Variants in IKZF3 observed in about 807,000 individuals in gnomAD.
IKZF3 encodes the protein IKAROS family zinc finger 3.
IKZF3 carries 10 observed loss-of-function variants against 49.0 expected under a neutral mutation model. The observed-to-expected ratio is 0.20, with a 90% CI of 0.13 to 0.35. IKZF3 has a LOEUF of 0.35. IKZF3 is among the 10% of genes least tolerant of loss of function. The pLI, the probability that IKZF3 is intolerant of heterozygous loss-of-function variation, is 1.00. For synonymous variants in IKZF3, 209 were observed against 228.2 expected (o/e 0.92, Z 0.76); for missense variants, 498 against 664.8 (o/e 0.75, Z 2.76).
chr17:39,815,269 T>C lies in IKZF3; in HGVS notation c.163+14118A>G, dbSNP rs1457462260. On this transcript the variant is annotated intron_variant, in intron 3 of 7. Coordinates refer to ENST00000346872, the MANE Select transcript of IKZF3 (RefSeq NM_012481.5). Reference sequence around the variant, plus strand: ...GAAACAAAAAGTCGCAAGAGTTCTATTTCAGTCGTTCAGGCCTTAAGGCCA... The same window carrying C: ...GAAACAAAAAGTCGCAAGAGTTCTACTTCAGTCGTTCAGGCCTTAAGGCCA... 8.5e-5 allele frequency among the ~76,000 whole-genome samples: 13 copies of C among 152,356 alleles called. 1 individual carries two copies.
At chr17:39,812,060 G>A (rs997900953) in intron 3 of IKZF3, among the ~76,000 whole-genome samples, 1 of 152,176 alleles carries the variant, frequency 6.6e-6, no homozygotes, top group Non-Finnish European at 1.5e-5. Context: ...ATTGTGTCCA[G>A]TTTAAACTTC....
intron 1 of IKZF3, among the ~76,000 whole-genome samples, chr17:39,851,980 T>C (rs2144528104): frequency 6.6e-6 from 1 of 152,274 alleles, no homozygotes; most frequent in Admixed American, 6.5e-5. Context: ...ACTCACTGAA[T>C]GGGCTCCATA....
At chr17:39,850,971 GTATATAT>G in intron 1 of IKZF3, among the ~76,000 whole-genome samples, 1 of 137,728 alleles carries the variant, frequency 7.3e-6, no homozygotes, top group South Asian at 2.2e-4. Context: ...TTATATACGT[GTATATAT>G]TATATATGTG....
chr17:39,852,737 C>T (rs1358993282), intron 1 of IKZF3, among the ~76,000 whole-genome samples: 8 of 152,046 alleles, frequency 5.3e-5, no homozygotes, highest in African/African-American at 1.2e-4. Flanking sequence ...TTTGGGAGGC[C>T]GGGGCGGACA....
chr17:39,828,053 CT>C (rs1236951971), intron 3 of IKZF3, among the ~76,000 whole-genome samples: 4 of 152,102 alleles, frequency 2.6e-5, no homozygotes, highest in Non-Finnish European at 5.9e-5. Context: ...TTTTCCTTCC[CT>C]ACATTGTCAC....
At chr17:39,818,399 T>C (rs181171089) in intron 3 of IKZF3, among the ~76,000 whole-genome samples, 7 of 152,316 alleles carry the variant, frequency 4.6e-5, no homozygotes, top group Admixed American at 2.0e-4. Context: ...AGGTACATAA[T>C]TGTTGACTCT....
At chr17:39,827,239 T>C (rs12944882) in intron 3 of IKZF3, among the ~76,000 whole-genome samples, 81,473 of 151,796 alleles carry the variant, frequency 0.54, 22,265 homozygotes, top group African/African-American at 0.62. Flanking sequence ...TCAAATGATC[T>C]ACCTGCCTCA....
intron 7 of IKZF3, among the ~76,000 whole-genome samples, chr17:39,767,079 C>A (rs991708180): frequency 6.6e-6 from 1 of 152,098 alleles, no homozygotes; most frequent in African/African-American, 2.4e-5. Flanking sequence ...CCAAACTCAC[C>A]CGTCCTGGCT....
chr17:39,804,910 T>C (rs76800280), intron 3 of IKZF3, among the ~76,000 whole-genome samples: 3,041 of 152,310 alleles, frequency 0.02, 115 homozygotes, highest in African/African-American at 0.07. Context: ...ATACTCTGTC[T>C]CCTGATCCAA....
chr17:39,771,620 G>A (rs1356031951), intron 7 of IKZF3, among the ~76,000 whole-genome samples: 1 of 146,370 alleles, frequency 6.8e-6, no homozygotes, highest in East Asian at 1.9e-4. Flanking sequence ...TGGTAGTGAC[G>A]GTGGTGGAGA....
chr17:39,768,691 A>T (rs2060359292), intron 7 of IKZF3, among the ~76,000 whole-genome samples: 1 of 152,182 alleles, frequency 6.6e-6, no homozygotes, highest in Non-Finnish European at 1.5e-5. Context: ...GGCCTGCCAC[A>T]TGGAAAACAC....
At position 39,777,678 on chromosome 17, in the gene IKZF3, T is replaced by C; in HGVS notation, c.799A>G (p.Lys267Glu). The C allele has an allele frequency of 6.2e-7, 1 of 1,613,762 alleles. No homozygotes were observed. The highest frequency in any genetic ancestry group is 8.5e-7 in the Non-Finnish European group (1 of 1,179,822). ...DRLASNVAKR[K>E]SSMPQKFIGE... is the part of the protein sequence containing the mutation. Reference sequence around the variant, plus strand: ...ATGAATTTCTGAGGCATTGAGCTTTTTCGTTTTGCCACATTGCTTGCTAAT... The same window carrying C: ...ATGAATTTCTGAGGCATTGAGCTTTCTCGTTTTGCCACATTGCTTGCTAAT... Residue 267 changes from lysine to glutamate, a missense_variant, in exon 7 of 8, where the codon AAA becomes GAA. By Grantham distance (56) the Lys-to-Glu change is moderately conservative. Transcript: ENST00000346872.
Position 39,849,588 on chromosome 17 carries a change from G to A in IKZF3, c.7+14532C>T, listed in dbSNP as rs145526337. On this transcript the variant is annotated intron_variant, in intron 1 of 7. Coordinates refer to ENST00000346872, the MANE Select transcript of IKZF3 (RefSeq NM_012481.5). ...GCAGGAGAATCGCTGGGAGGTGGAG[G>A]TTGCAGTAAGCCGAGATTGCACCAC... Among the ~76,000 whole-genome samples, 268 of 152,162 alleles carry A rather than the reference G, an allele frequency of 1.8e-3. 1 individual carries two copies. Among genetic ancestry groups the A allele is most frequent in the African/African-American group, 5.8e-3 (241 of 41,510 alleles).
At chr17:39,769,486 G>A (rs1282036034) in intron 7 of IKZF3, among the ~76,000 whole-genome samples, 1 of 152,204 alleles carries the variant, frequency 6.6e-6, no homozygotes, top group Non-Finnish European at 1.5e-5. Context: ...CAACAGCAGA[G>A]TAGACCTTGG....
At chr17:39,850,689 T>G (rs370564435) in intron 1 of IKZF3, among the ~76,000 whole-genome samples, 60 of 109,936 alleles carry the variant, frequency 5.5e-4, no homozygotes, top group South Asian at 9.6e-4. Context: ...TATACACATA[T>G]TATATATACA....
At chr17:39,858,778 C>G (rs2063137824) in intron 1 of IKZF3, among the ~76,000 whole-genome samples, 1 of 151,818 alleles carries the variant, frequency 6.6e-6, no homozygotes, top group Non-Finnish European at 1.5e-5. Flanking sequence ...TTTTCATTTA[C>G]TGTATACCAC....
chr17:39,772,349 T>C (rs1441884789), intron 7 of IKZF3, among the ~76,000 whole-genome samples: 4 of 152,076 alleles, frequency 2.6e-5, no homozygotes, highest in Non-Finnish European at 5.9e-5. Context: ...TGGGGTAAGG[T>C]GAAATATTCA....
rs917264849 is a variant in IKZF3, at chr17:39,757,933, A to G, written c.*7857T>C. 1 of 152,172 alleles carries G rather than the reference A, an allele frequency of 6.6e-6. No individual in the cohort carries two copies. The highest frequency in any genetic ancestry group is 1.5e-5 in the Non-Finnish European group (1 of 68,028). The allele number at this position is 152,172 out of a possible 1,614,324, so 9.4% of individuals were successfully genotyped here. A position where few individuals can be genotyped will look rare whatever the true frequency, so the allele number is the denominator to read the frequency against. ...CAGGTAGAACTCCATAGGAGTGACGAGGGAAAGTCACCACTGGGCAGGGAG... is the reference window on the plus strand; with the variant it reads ...CAGGTAGAACTCCATAGGAGTGACGGGGGAAAGTCACCACTGGGCAGGGAG... On this transcript the variant is annotated 3_prime_UTR_variant, in exon 8 of 8. Transcript: ENST00000346872.
At chr17:39,822,791 C>T (rs1169890491) in intron 3 of IKZF3, among the ~76,000 whole-genome samples, 1 of 151,950 alleles carries the variant, frequency 6.6e-6, no homozygotes. Flanking sequence ...ACCATGTTAG[C>T]CAAGATGGTC....
Sources: allele counts gnomAD v4.1 joint callset (sites outside exome capture counted in the v4.1 genomes callset), GRCh38; gene constraint gnomAD v4.1.1; transcripts MANE v1.5; gene names NCBI Gene and HGNC (gene_info 2026-07-23, HGNC 2026-07-21).